The following ZNF69 variants were observed in gnomAD, a reference collection of about 807,000 sequenced individuals.
ZNF69 encodes the protein zinc finger protein 69.
ZNF69 carries 47 observed loss-of-function variants against 50.9 expected under a neutral mutation model. The observed-to-expected ratio is 0.92, with a 90% CI of 0.73 to 1.18. The LOEUF is 1.18. ZNF69 is among the 50% of genes most tolerant of loss of function. The pLI is 0.00. For missense variants in ZNF69, 717 were observed against 675.1 expected (o/e 1.06, Z -0.69); for synonymous variants, 216 against 223.1 (o/e 0.97, Z 0.29).
At chr19:11,899,255 A>AG (rs1388737767) in intron 1 of ZNF69, among the ~76,000 whole-genome samples, 2 of 152,196 alleles carry the variant, frequency 1.3e-5, no homozygotes, top group Non-Finnish European at 2.9e-5. Flanking sequence ...TATGCATTGA[A>AG]GGTCTCTCGA....
chr19:11,978,457 GA>G, the ZNF69 span: 2 of 1,614,142 alleles, frequency 1.2e-6, no homozygotes, highest in Non-Finnish European at 1.7e-6. Context: ...AAAGAATGTG[GA>G]AAAACCTTTA....
chr19:11,968,070 A>C, the ZNF69 span, among the ~76,000 whole-genome samples: 1 of 152,150 alleles, frequency 6.6e-6, no homozygotes, highest in Admixed American at 6.6e-5. Context: ...TTAATGTCAA[A>C]CATGTTATGA....
rs1972322551 is a variant in ZNF69 at position 11,904,687 on chromosome 19, A to G, written c.290A>G (p.Asp97Gly). Residue 97 changes from aspartate to glycine, a missense_variant, in exon 4 of 4, where the codon GAC (aspartate) becomes GGC (glycine). Coordinates refer to ENST00000429654, the MANE Select transcript of ZNF69 (RefSeq NM_001364730.1). ...AAGAAAGTCAATGAAATTAAAGATG[A>G]CAGTCATTGTGGAGAAACTTTTACC... The part of the protein sequence containing the change: ...IEKKVNEIKD[D>G]SHCGETFTQV... The G allele has an allele frequency of 6.2e-7, 1 of 1,613,610 alleles. No homozygotes were observed. The highest frequency in any genetic ancestry group is 1.7e-5 in the Admixed American group (1 of 59,872).
At chr19:11,947,721 C>A in the ZNF69 span, 1 of 835,170 alleles carries the variant, frequency 1.2e-6, no homozygotes, top group South Asian at 1.8e-5. Flanking sequence ...TATATTTAAA[C>A]GTGACTGAGG....
chr19:11,940,674 C>T, the ZNF69 span, among the ~76,000 whole-genome samples: 5 of 152,094 alleles, frequency 3.3e-5, no homozygotes, highest in African/African-American at 7.2e-5. Flanking sequence ...GAAGGGGACC[C>T]GAGTGGGTTG....
intron 1 of ZNF69, among the ~76,000 whole-genome samples, chr19:11,890,691 C>G (rs1977064531): frequency 6.6e-6 from 1 of 152,134 alleles, no homozygotes; most frequent in African/African-American, 2.4e-5. Context: ...AACTCCTGAC[C>G]TCAAGTTACC....
At chr19:11,948,914 A>G in the ZNF69 span, 1 of 1,606,770 alleles carries the variant, frequency 6.2e-7, no homozygotes, top group Non-Finnish European at 8.5e-7. Flanking sequence ...CATAGACATG[A>G]AAGAAGTCAC....
the ZNF69 span, chr19:11,979,389 C>G: frequency 6.2e-7 from 1 of 1,610,812 alleles, no homozygotes; most frequent in Non-Finnish European, 8.5e-7. Context: ...GCCTTCAGAT[C>G]TGCCTCACAC....
the ZNF69 span, among the ~76,000 whole-genome samples, chr19:11,943,530 G>T: frequency 6.6e-6 from 1 of 151,962 alleles, no homozygotes; most frequent in East Asian, 1.9e-4. Context: ...CTATTACCTA[G>T]AAAAGAACTA....
chr19:11,910,657 T>C (rs146550035), downstream of ZNF69, among the ~76,000 whole-genome samples: 3,936 of 152,244 alleles, frequency 0.026, 67 homozygotes, highest in Non-Finnish European at 0.037. Flanking sequence ...TTACACCTTA[T>C]ACAAAAATTA....
chr19:11,905,706 ACT>A lies in ZNF69; in HGVS notation c.1311_1312del (p.Thr439TrpfsTer6). On this transcript the variant is annotated frameshift_variant, in exon 4 of 4. Transcript: ENST00000429654. LOFTEE classifies it high-confidence loss of function. ...SSSHLQLHGR[T>X]HTGEKPYECQ... ...CTCACACCTTCAATTGCATGGTAGG[ACT>A]CACACTGGAGAGAAGCCCTATGAAT... is the stretch of plus-strand genomic sequence containing the variant. 1 of 1,613,938 alleles carries A rather than the reference ACT, an allele frequency of 6.2e-7. No homozygotes were observed. The highest frequency in any genetic ancestry group is 8.5e-7 in the Non-Finnish European group (1 of 1,180,008).
chr19:11,913,695 C>T lies in ZNF69; in HGVS notation c.*285C>T, dbSNP rs551294067. The T allele has an allele frequency of 5.2e-5, 12 of 231,014 alleles. No individual in the cohort carries two copies. In the East Asian group the frequency reaches 9.2e-4, roughly 18 times the overall value. 14.3% of individuals were successfully genotyped at this position (231,014 alleles called of 1,614,324 possible). A position where few individuals can be genotyped will look rare whatever the true frequency, so the allele number is the denominator to read the frequency against. Reference sequence around the variant, plus strand: ...TGAGCCATCATGCCCAGCCGCAACCCTAATTTTTCATTCAGTCATAATACC... The same window carrying T: ...TGAGCCATCATGCCCAGCCGCAACCTTAATTTTTCATTCAGTCATAATACC... On this transcript the variant is annotated 3_prime_UTR_variant, in exon 5 of 5. Transcript: ENST00000340180.
chr19:11,896,474 G>A (rs551459168), intron 1 of ZNF69, among the ~76,000 whole-genome samples: 1 of 152,150 alleles, frequency 6.6e-6, no homozygotes, highest in East Asian at 1.9e-4. Context: ...TCCATGTTAA[G>A]GGAGCTGGCA....
chr19:11,943,609 G>A, the ZNF69 span, among the ~76,000 whole-genome samples: 10 of 152,104 alleles, frequency 6.6e-5, no homozygotes, highest in Non-Finnish European at 8.8e-5. Context: ...ACATCAGGTC[G>A]GGCATTTCCT....
the ZNF69 span, chr19:11,979,720 G>T: frequency 5.6e-6 from 9 of 1,599,354 alleles, no homozygotes; most frequent in African/African-American, 6.7e-5. Flanking sequence ...ACGAGTGTAA[G>T]CAATGTGGGA....
the ZNF69 span, among the ~76,000 whole-genome samples, chr19:11,944,178 C>T: frequency 2.6e-5 from 4 of 152,106 alleles, no homozygotes; most frequent in Non-Finnish European, 5.9e-5. Context: ...TGTAATTTTT[C>T]GTAAGGCCTG....
chr19:11,975,711 A>C, the ZNF69 span, among the ~76,000 whole-genome samples: 1 of 152,180 alleles, frequency 6.6e-6, no homozygotes, highest in South Asian at 2.1e-4. Flanking sequence ...AAGACTAAAT[A>C]ATATCCCATT....
Position 11,905,756 on chromosome 19 carries a change from C to T in ZNF69, c.1359C>T (p.Phe453=). The change falls in exon 4 of 4, where the codon TTC becomes TTT. Residue 453 remains phenylalanine (F), a synonymous_variant. Transcript: ENST00000429654. Reference sequence around the variant, plus strand: ...AATGTCAGGAATGTGGGAAAGCCTTCAGATCTATGAAGAACCTTCAAAGTC... The same window carrying T: ...AATGTCAGGAATGTGGGAAAGCCTTTAGATCTATGAAGAACCTTCAAAGTC... ...PYECQECGKA[F]RSMKNLQSHE... 6.2e-7 allele frequency: 1 copy of T among 1,613,396 alleles called. No homozygotes were observed. The highest frequency in any genetic ancestry group is 8.5e-7 in the Non-Finnish European group (1 of 1,179,948).
chr19:11,909,402 C>T (rs150549216), downstream of ZNF69, among the ~76,000 whole-genome samples: 1,019 of 152,256 alleles, frequency 6.7e-3, 47 homozygotes, highest in East Asian at 0.13. Flanking sequence ...TGATGAACAT[C>T]GATGCAAAAA....
Sources: allele counts gnomAD v4.1 joint callset (sites outside exome capture counted in the v4.1 genomes callset), GRCh38; gene constraint gnomAD v4.1.1; transcripts MANE v1.5; gene names NCBI Gene and HGNC (gene_info 2026-07-23, HGNC 2026-07-21).